Variants in NRG3 observed in about 807,000 individuals in gnomAD.
The protein encoded by NRG3 is pro-neuregulin-3, membrane-bound isoform.
In NRG3, 31 loss-of-function variants were observed where a neutral mutation model predicts 66.9. The observed-to-expected ratio is 0.46, with a 90% confidence interval of 0.35 to 0.63. NRG3 has a LOEUF of 0.63. NRG3 is among the 20% of genes least tolerant of loss of function. NRG3 has a pLI of 0.00. For synonymous variants in NRG3, 393 were observed against 359.4 expected, an observed-to-expected ratio of 1.09 and a Z score of -1.06; for missense variants, 910 against 878.9, an observed-to-expected ratio of 1.04 and a Z score of -0.45.
chr10:82,594,384 A>G (rs2047152610), intron 2 of NRG3, among the ~76,000 whole-genome samples: 1 of 152,158 alleles, frequency 6.6e-6, no homozygotes, highest in African/African-American at 2.4e-5. Context: ...GTGTTCTCTA[A>G]TCCAGAAAGG....
chr10:82,942,852 G>A (rs1356696714), intron 4 of NRG3, among the ~76,000 whole-genome samples: 1 of 152,116 alleles, frequency 6.6e-6, no homozygotes, highest in Non-Finnish European at 1.5e-5. Flanking sequence ...GAAAGACAGA[G>A]CCCATTCCCC....
chr10:82,366,169 A>T (rs1402616681), intron 2 of NRG3, among the ~76,000 whole-genome samples: 1 of 152,186 alleles, frequency 6.6e-6, no homozygotes, highest in Non-Finnish European at 1.5e-5. Flanking sequence ...ATAGTCTAAT[A>T]GTTGCCCCAA....
intron 2 of NRG3, among the ~76,000 whole-genome samples, chr10:82,673,503 A>G (rs1217235035): frequency 6.6e-6 from 1 of 152,208 alleles, no homozygotes; most frequent in Non-Finnish European, 1.5e-5. Context: ...GACATTAAGT[A>G]AAGACTTACT....
chr10:82,332,565 G>A (rs1403294398), intron 1 of NRG3, among the ~76,000 whole-genome samples: 1 of 152,034 alleles, frequency 6.6e-6, no homozygotes, highest in Non-Finnish European at 1.5e-5. Flanking sequence ...GTAATAATGG[G>A]GGATCCACCA....
chr10:81,916,807 G>A (rs185644712), intron 1 of NRG3, among the ~76,000 whole-genome samples: 1 of 152,136 alleles, frequency 6.6e-6, no homozygotes, highest in Non-Finnish European at 1.5e-5. Flanking sequence ...CCTAATAATT[G>A]TACTGCCTTT....
chr10:82,674,109 CAT>C (rs930190953), intron 2 of NRG3, among the ~76,000 whole-genome samples: 2 of 152,054 alleles, frequency 1.3e-5, no homozygotes, highest in Non-Finnish European at 2.9e-5. Flanking sequence ...ATCAAGGCAA[CAT>C]GTGTAAACTG....
At chr10:82,172,990 A>G (rs2133121972) in intron 1 of NRG3, among the ~76,000 whole-genome samples, 1 of 152,250 alleles carries the variant, frequency 6.6e-6, no homozygotes, top group Non-Finnish European at 1.5e-5. Flanking sequence ...CTAATATGAA[A>G]GTGTCTGTGC....
intron 1 of NRG3, among the ~76,000 whole-genome samples, chr10:82,148,874 C>T (rs995055189): frequency 6.6e-6 from 1 of 151,960 alleles, no homozygotes; most frequent in East Asian, 1.9e-4. Flanking sequence ...ACACTTCTTG[C>T]TTGCCTGTCC....
intron 1 of NRG3, among the ~76,000 whole-genome samples, chr10:82,192,316 C>A (rs1023860854): frequency 4.6e-5 from 7 of 152,162 alleles, no homozygotes; most frequent in African/African-American, 1.7e-4. Context: ...TACTCCTGTG[C>A]AGTATTTCAG....
chr10:82,547,377 A>C lies in NRG3; in HGVS notation c.953+188509A>C, dbSNP rs186566439. Reference sequence around the variant, plus strand: ...CATATGTACAAATACATCTATCTATATATGTATGTATATATGTATATATAT... The same window carrying C: ...CATATGTACAAATACATCTATCTATCTATGTATGTATATATGTATATATAT... On this transcript the variant is annotated intron_variant, in intron 2 of 8. Coordinates refer to ENST00000372141, the MANE Select transcript of NRG3 (RefSeq NM_001010848.4). Among the ~76,000 whole-genome samples, 41 of 151,332 alleles carry C rather than the reference A, an allele frequency of 2.7e-4. No homozygotes were observed. The East Asian group carries it at 5.4e-3, about 20-fold the overall frequency.
intron 1 of NRG3, among the ~76,000 whole-genome samples, chr10:82,188,580 TAAGGAGCTCAAACAA>T (rs1287732225): frequency 4.9e-4 from 75 of 152,154 alleles, no homozygotes; most frequent in African/African-American, 1.3e-3. Context: ...CCAGAATATA[TAAGGAGCTCAAACAA>T]CTCTATAGGA....
At chr10:82,785,094 T>C (rs1394605823) in intron 3 of NRG3, among the ~76,000 whole-genome samples, 2 of 151,008 alleles carry the variant, frequency 1.3e-5, no homozygotes, top group African/African-American at 4.9e-5. Context: ...CTCGGTAAAC[T>C]ATCGCAAGGA....
intron 2 of NRG3, among the ~76,000 whole-genome samples, chr10:82,479,449 A>G (rs1477690544): frequency 1.3e-5 from 2 of 151,474 alleles, no homozygotes; most frequent in Non-Finnish European, 2.9e-5. Flanking sequence ...CTGTAATCCC[A>G]GCACCTTGGG....
chr10:82,341,230 C>T (rs1346013043), intron 1 of NRG3, among the ~76,000 whole-genome samples: 1 of 152,026 alleles, frequency 6.6e-6, no homozygotes, highest in Non-Finnish European at 1.5e-5. Context: ...CTCTTATTTA[C>T]TTATTCTGGA....
At chr10:81,902,589 C>T (rs776022615) in intron 1 of NRG3, among the ~76,000 whole-genome samples, 5 of 152,086 alleles carry the variant, frequency 3.3e-5, no homozygotes, top group Non-Finnish European at 7.3e-5. Flanking sequence ...GCCAGGGCCT[C>T]GATCTTGGAC....
chr10:81,984,813 A>G (rs1025621813), intron 1 of NRG3, among the ~76,000 whole-genome samples: 1 of 152,228 alleles, frequency 6.6e-6, no homozygotes, highest in Non-Finnish European at 1.5e-5. Flanking sequence ...ATACAAAAAG[A>G]CTCAAAAGGA....
chr10:82,910,219 G>A (rs1489315394), intron 4 of NRG3, among the ~76,000 whole-genome samples: 1 of 152,212 alleles, frequency 6.6e-6, no homozygotes, highest in Non-Finnish European at 1.5e-5. Context: ...TTATCATGAA[G>A]CAGAAGAGAA....
intron 2 of NRG3, among the ~76,000 whole-genome samples, chr10:82,588,269 C>A (rs1358490913): frequency 6.6e-6 from 1 of 152,132 alleles, no homozygotes; most frequent in South Asian, 2.1e-4. Context: ...TAGGGAGCAC[C>A]ATCCTCTTGA....
chr10:82,096,679 A>G (rs778001354), intron 1 of NRG3, among the ~76,000 whole-genome samples: 13 of 152,212 alleles, frequency 8.5e-5, no homozygotes, highest in East Asian at 1.9e-4. Context: ...TAGAACAAAT[A>G]TAACTGAAAA....
Sources: gnomAD v4.1 joint callset for allele counts (sites outside exome capture counted in the v4.1 genomes callset) on GRCh38, gnomAD v4.1.1 for gene constraint, MANE v1.5 for transcripts, NCBI Gene and HGNC (gene_info 2026-07-23, HGNC 2026-07-21) for gene names.